Variants in KIAA0930 observed in about 807,000 individuals in gnomAD.
The protein encoded by KIAA0930 is KIAA0930.
In KIAA0930, 24 loss-of-function variants were observed where a neutral mutation model predicts 43.9. The observed-to-expected ratio is 0.55, with a 90% CI of 0.40 to 0.77. The LOEUF (loss-of-function observed/expected upper bound fraction) is 0.77. Ranked by LOEUF, KIAA0930 falls within the 30% of genes least tolerant of loss-of-function variation. The pLI is 0.00. For synonymous variants in KIAA0930, 259 were observed against 216.4 expected (o/e 1.20, Z -1.73); for missense variants, 461 against 574.2 (o/e 0.80, Z 2.02).
rs140626449 is a variant in KIAA0930, at chr22:45,198,035, C to T, written c.1016-87G>A. ...GGCCAGCTCCCAGTCCAGGCTGAGG[C>T]CAAACTCTGCTGAGGCCAGGACGCT... On this transcript the variant is annotated intron_variant, in intron 8 of 9. Transcript: ENST00000336156. 2.1e-4 allele frequency: 286 copies of T among 1,384,258 alleles called. 2 individuals are homozygous for T. The East Asian group carries it at 6.5e-3, about 32-fold the overall frequency. The allele number at this position is 1,384,258 out of a possible 1,614,324, so 85.7% of individuals were successfully genotyped here.
Position 45,197,233 on chromosome 22 carries a change from G to A in KIAA0930, c.1175-17C>T, listed in dbSNP as rs185458221. 6.5e-7 allele frequency: 1 copy of A among 1,549,358 alleles called. No homozygotes were observed. Among genetic ancestry groups the A allele is most frequent in the Non-Finnish European group, 8.7e-7 (1 of 1,145,816 alleles). On this transcript the variant is annotated splice_polypyrimidine_tract_variant and intron_variant, in intron 9 of 9. Transcript: ENST00000336156. The stretch of plus-strand genomic sequence containing the variant: ...CCAGGATGTCTAGGGCCGGCAGGAG[G>A]GAAGCAGGTGAAACAGTAACCCTCA...
rs1241843678 is a variant in KIAA0930, at chr22:45,211,948, T to C, written c.216+8A>G. 2 of 1,604,898 alleles carry C rather than the reference T, an allele frequency of 1.2e-6. No individual in the cohort carries two copies. Among genetic ancestry groups the C allele is most frequent in the African/African-American group, 1.4e-5 (1 of 73,704 alleles). On this transcript the variant is annotated splice_region_variant and intron_variant, in intron 2 of 9. Transcript: ENST00000336156. ...CAGACGCAGGGGCAGGGGCCGGGGG[T>C]CACTCACCTTCCTCCCGTCTGCACC...
Position 45,195,012 on chromosome 22 carries a change from G to A in KIAA0930, c.*2164C>T, listed in dbSNP as rs1193773699. ...AAACCACCAGCCCACCGCGTGCCCTGTTCACATGCCTTACAAATTGAGGGC... is the reference window on the plus strand; with the variant it reads ...AAACCACCAGCCCACCGCGTGCCCTATTCACATGCCTTACAAATTGAGGGC... On this transcript the variant is annotated 3_prime_UTR_variant, in exon 10 of 10. Transcript: ENST00000336156. The A allele has an allele frequency of 6.6e-6, 1 of 152,246 alleles. No homozygotes were observed. Among genetic ancestry groups the A allele is most frequent in the Non-Finnish European group, 1.5e-5 (1 of 68,052 alleles). 9.4% of individuals were successfully genotyped at this position (152,246 alleles called of 1,614,324 possible). A position where few individuals can be genotyped will look rare whatever the true frequency, so the allele number is the denominator to read the frequency against.
chr22:45,200,927 G>C (rs376423033), intron 7 of KIAA0930: 20 of 484,656 alleles, frequency 4.1e-5, no homozygotes, highest in Non-Finnish European at 7.7e-5. Flanking sequence ...GCTGGAGCTG[G>C]GTCTTGAAGG....
intron 1 of KIAA0930, chr22:45,226,792 CA>C (rs2083804268): frequency 6.4e-6 from 1 of 157,470 alleles, no homozygotes; most frequent in Admixed American, 6.3e-5. Context: ...AAAGGTGCCC[CA>C]TCTCAGCCAA....
At chr22:45,218,553 G>A (rs2083747907) in intron 1 of KIAA0930, among the ~76,000 whole-genome samples, 1 of 151,524 alleles carries the variant, frequency 6.6e-6, no homozygotes, top group African/African-American at 2.4e-5. Context: ...ATGAGGTGGG[G>A]ACCACCTCAG....
At chr22:45,223,265 A>G (rs1403148665) in intron 1 of KIAA0930, among the ~76,000 whole-genome samples, 1 of 152,258 alleles carries the variant, frequency 6.6e-6, no homozygotes, top group Non-Finnish European at 1.5e-5. Context: ...GTTCTCTAGA[A>G]TAAATGAAGC....
rs990834033 is a variant in KIAA0930, at chr22:45,196,886, G to A, written c.*290C>T. On this transcript the variant is annotated 3_prime_UTR_variant, in exon 10 of 10. Coordinates refer to ENST00000336156, the MANE Select transcript of KIAA0930 (RefSeq NM_001009880.2). The surrounding 1 kb of genome is among the most constrained non-coding windows in gnomAD (Gnocchi z 4.1). ...GCTCCTTCCGCTCTCTCTCATGGCC[G>A]CTCGGCATCTCTAGTCCTCTTTGGG... The A allele has an allele frequency of 2.9e-5, 12 of 410,778 alleles. No individual in the cohort carries two copies. The highest frequency in any genetic ancestry group is 6.3e-5 in the African/African-American group (3 of 47,896). The allele number at this position is 410,778 out of a possible 1,614,324, so 25.4% of individuals were successfully genotyped here. A position where few individuals can be genotyped will look rare whatever the true frequency, so the allele number is the denominator to read the frequency against.
At chr22:45,227,503 C>T (rs761562854) in intron 1 of KIAA0930, among the ~76,000 whole-genome samples, 20 of 152,314 alleles carry the variant, frequency 1.3e-4, no homozygotes, top group East Asian at 5.8e-4. Context: ...GCGCCAGCCT[C>T]GAATCCAGGA....
chr22:45,229,685 G>T (rs1421162642), intron 1 of KIAA0930, among the ~76,000 whole-genome samples: 1 of 152,204 alleles, frequency 6.6e-6, no homozygotes, highest in African/African-American at 2.4e-5. Context: ...AGTGTGGAGG[G>T]GACCTCGGGA....
chr22:45,230,970 G>C (rs528361370), intron 1 of KIAA0930, among the ~76,000 whole-genome samples: 108 of 152,018 alleles, frequency 7.1e-4, no homozygotes, highest in Middle Eastern at 3.4e-3. Context: ...TTGAGGCTGG[G>C]CACGGTGCCT....
chr22:45,215,032 A>C (rs1484250329), intron 1 of KIAA0930, among the ~76,000 whole-genome samples: 2 of 152,218 alleles, frequency 1.3e-5, no homozygotes, highest in Non-Finnish European at 2.9e-5. Flanking sequence ...AGCCTGAGCA[A>C]CATGGTGAAA....
At chr22:45,217,360 CAAAAAAAAAAAAAAAAAA>C (rs58492110) in intron 1 of KIAA0930, among the ~76,000 whole-genome samples, 7 of 68,698 alleles carry the variant, frequency 1.0e-4, no homozygotes, top group Admixed American at 4.2e-4. Context: ...GACCCCGTCT[CAAAAAAAAAAAAAAAAAA>C]AAAAAAAAAA....
Position 45,203,130 on chromosome 22 carries a change from T to G in KIAA0930, c.712A>C (p.Ser238Arg). 1 of 1,613,382 alleles carries G rather than the reference T, an allele frequency of 6.2e-7. No individual in the cohort carries two copies. The highest frequency in any genetic ancestry group is 8.5e-7 in the Non-Finnish European group (1 of 1,179,678). Residue 238 changes from serine (S) to arginine (R), a missense_variant, in exon 7 of 10, where the codon AGC becomes CGC. Coordinates refer to ENST00000336156, the MANE Select transcript of KIAA0930 (RefSeq NM_001009880.2). ...QKMSFGFYKY[S>R]NMEFVRMKGP... ...TTCATGCGCACAAACTCCATGTTGC[T>G]GTACTTGTAGAAGCCAAACGACATC...
At chr22:45,206,633 T>A (rs1310129857) in intron 2 of KIAA0930, among the ~76,000 whole-genome samples, 1 of 151,838 alleles carries the variant, frequency 6.6e-6, no homozygotes, top group African/African-American at 2.4e-5. Flanking sequence ...TTACTGAAGA[T>A]CAATAATAAA....
intron 1 of KIAA0930, among the ~76,000 whole-genome samples, chr22:45,223,566 C>T (rs1162113725): frequency 6.6e-6 from 1 of 151,382 alleles, no homozygotes; most frequent in Admixed American, 6.6e-5. Context: ...CGAGCCAGCA[C>T]CTAGGATCAG....
At chr22:45,221,468 CT>C (rs2083767186) in intron 1 of KIAA0930, among the ~76,000 whole-genome samples, 2 of 152,200 alleles carry the variant, frequency 1.3e-5, no homozygotes, top group Admixed American at 1.3e-4. Flanking sequence ...CCTACCAAAG[CT>C]GATGTATGTT....
intron 2 of KIAA0930, among the ~76,000 whole-genome samples, chr22:45,209,224 A>G (rs899567423): frequency 1.3e-5 from 2 of 152,050 alleles, no homozygotes; most frequent in Non-Finnish European, 1.5e-5. Flanking sequence ...GGGCATGGGG[A>G]GGGGGCGGGA....
intron 1 of KIAA0930, among the ~76,000 whole-genome samples, chr22:45,225,546 C>T (rs897008575): frequency 1.3e-5 from 2 of 152,220 alleles, no homozygotes; most frequent in African/African-American, 4.8e-5. Flanking sequence ...CCCTTCTTCT[C>T]TGACCAAACG....
Sources: gnomAD v4.1 joint callset for allele counts (sites outside exome capture counted in the v4.1 genomes callset) on GRCh38, gnomAD v4.1.1 for gene constraint, Gnocchi (gnomAD v3.1) non-coding constraint, MANE v1.5 for transcripts, NCBI Gene and HGNC (gene_info 2026-07-23, HGNC 2026-07-21) for gene names.